Variants in ME3 observed in about 807,000 individuals in gnomAD.
The protein encoded by ME3 is NADP-dependent malic enzyme, mitochondrial.
Under a neutral mutation model 68.9 loss-of-function variants are expected in ME3, and 48 were observed. The observed-to-expected ratio is 0.70, with a 90% CI of 0.55 to 0.89. ME3 has a LOEUF of 0.89. Ranked by LOEUF, ME3 falls within the 40% of genes least tolerant of loss-of-function variation. The probability of loss-of-function intolerance (pLI) is 0.00; values close to 1 mark genes in which losing one functional copy is unlikely to be tolerated. For synonymous variants in ME3, 320 were observed against 318.8 expected (o/e 1.00, Z -0.04); for missense variants, 675 against 797.4 (o/e 0.85, Z 1.85).
At chr11:86,654,564 T>G (rs991064772) in intron 2 of ME3, among the ~76,000 whole-genome samples, 2 of 152,220 alleles carry the variant, frequency 1.3e-5, no homozygotes, top group Admixed American at 6.5e-5. Context: ...TGCTGAAAAC[T>G]CTCAATGAAT....
chr11:86,640,752 C>T (rs1944617021), intron 2 of ME3, among the ~76,000 whole-genome samples: 1 of 152,214 alleles, frequency 6.6e-6, no homozygotes, highest in Non-Finnish European at 1.5e-5. Context: ...TTATGCTCTC[C>T]ATGATACAGT....
At chr11:86,503,191 C>G (rs1952840892) in intron 5 of ME3, among the ~76,000 whole-genome samples, 1 of 152,230 alleles carries the variant, frequency 6.6e-6, no homozygotes. Context: ...ACAATAGTCC[C>G]TACCTCTTAC....
chr11:86,580,240 G>C (rs1053045032), intron 2 of ME3, among the ~76,000 whole-genome samples: 1 of 152,162 alleles, frequency 6.6e-6, no homozygotes. Context: ...TGAAGGAAGC[G>C]ATGTTGATGT....
Position 86,447,029 on chromosome 11 carries a change from C to CCT in ME3, c.1380+34_1380+35dup, listed in dbSNP as rs1949343204. On this transcript the variant is annotated intron_variant, in intron 12 of 14. Coordinates refer to ENST00000543262, the Ensembl canonical transcript of ME3. ...TTACTCATTGTAATTGTTACTATGT[C>CCT]CTCTCAGCCGGGGGAAGGAAGGACT... 4 of 1,606,786 alleles carry CCT rather than the reference C, an allele frequency of 2.5e-6. No individual in the cohort carries two copies. The Admixed American group carries it at 5.1e-5, about 20-fold the overall frequency.
chr11:86,555,983 A>G (rs1373624441), intron 4 of ME3, among the ~76,000 whole-genome samples: 1 of 152,174 alleles, frequency 6.6e-6, no homozygotes, highest in Admixed American at 6.5e-5. Context: ...TAAAACATAT[A>G]TTCTGAAGTC....
At chr11:86,659,263 GT>G (rs1245466691) in intron 2 of ME3, among the ~76,000 whole-genome samples, 1 of 152,154 alleles carries the variant, frequency 6.6e-6, no homozygotes, top group Non-Finnish European at 1.5e-5. Context: ...TAATATTCAA[GT>G]TTTTTTATGG....
intron 6 of ME3, among the ~76,000 whole-genome samples, chr11:86,493,537 G>T (rs1952124154): frequency 6.6e-6 from 1 of 152,210 alleles, no homozygotes; most frequent in Non-Finnish European, 1.5e-5. Context: ...GAACGAGATG[G>T]TACTCAGGCC....
chr11:86,526,669 C>A (rs1031119867), intron 4 of ME3, among the ~76,000 whole-genome samples: 7 of 152,198 alleles, frequency 4.6e-5, no homozygotes, highest in Non-Finnish European at 8.8e-5. Context: ...TGAGACAAAA[C>A]TTCCAGAGGA....
At chr11:86,541,767 T>G (rs1192523277) in intron 4 of ME3, among the ~76,000 whole-genome samples, 14 of 152,182 alleles carry the variant, frequency 9.2e-5, no homozygotes. Flanking sequence ...AAGAGAGCAG[T>G]GGATCTCCCA....
intron 2 of ME3, among the ~76,000 whole-genome samples, chr11:86,659,793 G>C (rs1176712214): frequency 6.6e-6 from 1 of 152,200 alleles, no homozygotes; most frequent in Non-Finnish European, 1.5e-5. Flanking sequence ...AGAATCTCAT[G>C]AGACTGGGAG....
chr11:86,598,195 C>G, intron 2 of ME3, among the ~76,000 whole-genome samples: 1 of 152,128 alleles, frequency 6.6e-6, no homozygotes, highest in African/African-American at 2.4e-5. Context: ...CTTTCCTGGT[C>G]AAGGAAAGGG....
chr11:86,439,089 T>C (rs1447951962), downstream of ME3, among the ~76,000 whole-genome samples: 2 of 152,204 alleles, frequency 1.3e-5, no homozygotes, highest in Non-Finnish European at 1.5e-5. Context: ...CTTCAACTAA[T>C]TGGATGAAGG....
At chr11:86,650,787 AG>A (rs1479186924) in intron 2 of ME3, among the ~76,000 whole-genome samples, 1 of 152,226 alleles carries the variant, frequency 6.6e-6, no homozygotes, top group Admixed American at 6.5e-5. Context: ...GAGCTGCAGC[AG>A]GGTGATGCAT....
rs1025420612 is a variant in ME3, at chr11:86,640,129, G to C, written c.183+31633C>G. Among the ~76,000 whole-genome samples the C allele has an allele frequency of 7.9e-5, 12 of 152,176 alleles. No individual in the cohort carries two copies. The South Asian group carries it at 2.3e-3, about 29-fold the overall frequency. The stretch of plus-strand genomic sequence containing the variant: ...GGTACAATTAAATAACCATTTGAGA[G>C]ATCCCTGATATAGGAAGCGGAGACA... On this transcript the variant is annotated intron_variant, in intron 2 of 14. Coordinates refer to ENST00000543262, the Ensembl canonical transcript of ME3.
chr11:86,535,870 T>A (rs1269088239), intron 4 of ME3, among the ~76,000 whole-genome samples: 1 of 152,154 alleles, frequency 6.6e-6, no homozygotes, highest in African/African-American at 2.4e-5. Context: ...TAAAACTTCT[T>A]CTATCTATCC....
chr11:86,469,188 T>G (rs1377166732), intron 7 of ME3, among the ~76,000 whole-genome samples: 1 of 152,196 alleles, frequency 6.6e-6, no homozygotes, highest in Non-Finnish European at 1.5e-5. Flanking sequence ...TGAGTCCCCT[T>G]TCTCTGTCTG....
chr11:86,479,851 G>A (rs1047597543), intron 7 of ME3, among the ~76,000 whole-genome samples: 2 of 148,276 alleles, frequency 1.3e-5, no homozygotes, highest in African/African-American at 5.0e-5. Context: ...ATCTCACTCT[G>A]TCGCCCAGGC....
Position 86,529,687 on chromosome 11 carries a change from G to T in ME3, c.468-20820C>A, listed in dbSNP as rs575728707. On this transcript the variant is annotated intron_variant, in intron 4 of 14. Coordinates refer to ENST00000543262, the Ensembl canonical transcript of ME3. ...ATCAAGTGGGCTTCATCCCTGGGAT[G>T]CAAGGCTGGTTCAACATATGCAAAT... Among the ~76,000 whole-genome samples, 485 of 152,350 alleles carry T rather than the reference G, an allele frequency of 3.2e-3. 5 individuals carry two copies. The highest frequency in any genetic ancestry group is 0.011 in the African/African-American group (471 of 41,554).
intron 4 of ME3, among the ~76,000 whole-genome samples, chr11:86,552,014 G>A (rs1956713974): frequency 6.6e-6 from 1 of 152,206 alleles, no homozygotes; most frequent in Non-Finnish European, 1.5e-5. Flanking sequence ...GTACTTCAGA[G>A]GACTGGGGTG....
Sources: gnomAD v4.1 joint callset for allele counts (sites outside exome capture counted in the v4.1 genomes callset) on GRCh38, gnomAD v4.1.1 for gene constraint, MANE v1.5 for transcripts, NCBI Gene and HGNC (gene_info 2026-07-23, HGNC 2026-07-21) for gene names.